Variants in UBE4A observed in about 807,000 individuals in gnomAD.
UBE4A encodes the protein ubiquitination factor E4A, also known as ubiquitin conjugation factor E4 A.
UBE4A carries 48 observed loss-of-function variants against 117.9 expected under a neutral mutation model. The ratio of observed to expected loss-of-function variants is 0.41; its 90% CI spans 0.32 to 0.52. UBE4A has a LOEUF of 0.52. UBE4A is among the 20% of genes least tolerant of loss of function. The probability of loss-of-function intolerance (pLI) is 0.33; values close to 1 mark genes in which losing one functional copy is unlikely to be tolerated. For synonymous variants in UBE4A, 407 were observed against 450.0 expected (o/e 0.90, Z 1.21); for missense variants, 1,067 against 1,296.3 (o/e 0.82, Z 2.72).
rs575638835 is a variant in UBE4A, at chr11:118,371,633, C to T, written c.528C>T (p.Tyr176=). 1.9e-6 allele frequency: 3 copies of T among 1,613,402 alleles called. No individual in the cohort carries two copies. The South Asian group carries it at 3.3e-5, about 18-fold the overall frequency. The part of the protein sequence containing the change: ...RDAGERHIFC[Y]LYSCFQRAKE... ...CAGGAGAGAGGCACATTTTTTGTTACCTTTACTCCTGCTTCCAGAGAGCCA... is the reference window on the plus strand; with the variant it reads ...CAGGAGAGAGGCACATTTTTTGTTATCTTTACTCCTGCTTCCAGAGAGCCA... Residue 176 remains tyrosine, a synonymous_variant, in exon 5 of 20, where the codon TAC becomes TAT. Coordinates refer to ENST00000252108, the MANE Select transcript of UBE4A (RefSeq NM_001204077.2).
Position 118,396,910 on chromosome 11 carries a change from C to T in UBE4A, c.*470C>T, listed in dbSNP as rs1453034440. The T allele has an allele frequency of 6.3e-6, 1 of 157,760 alleles. No individual in the cohort carries two copies. The highest frequency in any genetic ancestry group is 1.4e-5 in the Non-Finnish European group (1 of 72,480). 9.8% of individuals were successfully genotyped at this position (157,760 alleles called of 1,614,324 possible). Reference sequence around the variant, plus strand: ...CTGTTATCCTGTGTATTTACTAGTCCTCATGATCTAGACTTAACCCCTTTT... The same window carrying T: ...CTGTTATCCTGTGTATTTACTAGTCTTCATGATCTAGACTTAACCCCTTTT... On this transcript the variant is annotated 3_prime_UTR_variant, in exon 20 of 20. Coordinates refer to ENST00000252108, the MANE Select transcript of UBE4A (RefSeq NM_001204077.2).
At position 118,384,962 on chromosome 11, in the gene UBE4A, AAAAAAAG is replaced by A. The variant is rs782408339; in HGVS notation, c.2412+19_2412+25del. On this transcript the variant is annotated intron_variant, in intron 15 of 19. Transcript: ENST00000252108. Reference sequence around the variant, plus strand: ...GCCATACAGGTAAAAAAAAAAAAAAAAAAAAAGATTTAACTTCTCCATACCATCAAAT... The same window carrying A: ...GCCATACAGGTAAAAAAAAAAAAAAAATTTAACTTCTCCATACCATCAAAT... The A allele has an allele frequency of 1.9e-6, 3 of 1,561,336 alleles. No individual in the cohort carries two copies. The highest frequency in any genetic ancestry group is 2.6e-6 in the Non-Finnish European group (3 of 1,150,998).
rs754370282 is a variant in UBE4A, at chr11:118,373,617, G to A, written c.1048G>A (p.Gly350Ser). ...GACTCCGGGTGTTGTAGAAAATCAT[G>A]GCTACTTTTTGAATCCATCTCGTTC... ...LKTPGVVENH[G>S]YFLNPSRSSP... The change falls in exon 8 of 20, where the codon GGC becomes AGC. Residue 350 changes from glycine to serine, a missense_variant. Physicochemically the swap from Gly to Ser is moderately conservative, Grantham distance 56. Around this residue, in one of 3 missense-constraint regions of UBE4A, gnomAD observed 1,001 missense variants for 1,184.0 expected, o/e 0.85. Transcript: ENST00000252108. The A allele has an allele frequency of 6.2e-7, 1 of 1,614,122 alleles. No individual in the cohort carries two copies.
chr11:118,378,532 TCA>T (rs1228599206), intron 10 of UBE4A: 3 of 152,220 alleles, frequency 2.0e-5, no homozygotes, highest in Non-Finnish European at 4.4e-5. Flanking sequence ...AGCAACTCAG[TCA>T]TAGAAAGGGA....
chr11:118,365,299 G>C, intron 2 of UBE4A, 98 bp downstream of exon 2: 1 of 1,419,214 alleles, frequency 7.0e-7, no homozygotes, highest in Non-Finnish European at 9.2e-7. Flanking sequence ...TGGAATTTAA[G>C]TTTGGAACAA....
At chr11:118,365,452 G>A (rs547463377) in intron 2 of UBE4A, among the ~76,000 whole-genome samples, 1 of 152,052 alleles carries the variant, frequency 6.6e-6, no homozygotes, top group Admixed American at 6.6e-5. Flanking sequence ...TGGTTCCATA[G>A]TAACAGATGC....
chr11:118,367,024 T>G (rs900873698), intron 2 of UBE4A, among the ~76,000 whole-genome samples: 6 of 152,032 alleles, frequency 3.9e-5, no homozygotes, highest in African/African-American at 1.4e-4. Flanking sequence ...GCCAACATGG[T>G]GAAACCCCAT....
At chr11:118,361,534 C>T (rs967431012) in intron 1 of UBE4A, among the ~76,000 whole-genome samples, 1 of 152,100 alleles carries the variant, frequency 6.6e-6, no homozygotes, top group Non-Finnish European at 1.5e-5. Flanking sequence ...AGTGACTACA[C>T]AGTTTTAGCC....
In UBE4A at chr11:118,368,722, A is replaced by G. The variant is rs556959335; in HGVS notation, c.213A>G (p.Ser71=). The change falls in exon 3 of 20, where the codon TCA becomes TCG. Residue 71 remains serine, a synonymous_variant. Coordinates refer to ENST00000252108, the MANE Select transcript of UBE4A (RefSeq NM_001204077.2). ...ACTCTGTGGCTGAGATTAGCCGCTCATTCCGATCACAGCAGGAAATATGTG... is the reference window on the plus strand; with the variant it reads ...ACTCTGTGGCTGAGATTAGCCGCTCGTTCCGATCACAGCAGGAAATATGTG... ...FDYSVAEISR[S]FRSQQEICEQ... 1.1e-4 allele frequency: 179 copies of G among 1,614,224 alleles called. No homozygotes were observed. The highest frequency in any genetic ancestry group is 2.8e-4 in the Admixed American group (17 of 60,028).
intron 19 of UBE4A, among the ~76,000 whole-genome samples, chr11:118,395,751 T>C (rs1591311880): frequency 6.6e-6 from 1 of 152,306 alleles, no homozygotes; most frequent in East Asian, 1.9e-4. Flanking sequence ...TTAAATATCA[T>C]CTGAACAGCA....
chr11:118,374,236 A>C (rs148067282), intron 8 of UBE4A, among the ~76,000 whole-genome samples: 170 of 152,048 alleles, frequency 1.1e-3, no homozygotes, highest in African/African-American at 4.0e-3. Context: ...CCCAACCCTC[A>C]TTTTTCTCAC....
At position 118,396,547 on chromosome 11, in the gene UBE4A, C is replaced by CTTTTT. The variant is rs5795126; in HGVS notation, c.*121_*125dup. 27 of 817,846 alleles carry CTTTTT rather than the reference C, an allele frequency of 3.3e-5. No individual in the cohort carries two copies. Among genetic ancestry groups the CTTTTT allele is most frequent in the African/African-American group, 6.3e-5 (3 of 47,762 alleles). The allele number at this position is 817,846 out of a possible 1,614,324, so 50.7% of individuals were successfully genotyped here. A position where few individuals can be genotyped will look rare whatever the true frequency, so the allele number is the denominator to read the frequency against. ...TCCTTTTCTTTCTTCTTTTCTTTTT[C>CTTTTT]TTTTTTTTTTTTTTTTTTACTAAAT... On this transcript the variant is annotated 3_prime_UTR_variant, in exon 20 of 20. Transcript: ENST00000252108.
chr11:118,369,650 T>A, intron 4 of UBE4A, 115 bp downstream of exon 4: 1 of 439,500 alleles, frequency 2.3e-6, no homozygotes, highest in Non-Finnish European at 3.9e-6. Flanking sequence ...CTCTCTCTTT[T>A]TTTTTTTTTT....
intron 11 of UBE4A, among the ~76,000 whole-genome samples, chr11:118,380,023 T>G (rs1161762180): frequency 6.6e-6 from 1 of 152,114 alleles, no homozygotes; most frequent in Non-Finnish European, 1.5e-5. Context: ...GTTTCTATCA[T>G]TAATATTTGT....
At position 118,393,616 on chromosome 11, in the gene UBE4A, G is replaced by A. The variant is rs1194954506; in HGVS notation, c.3074+721G>A. Among the ~76,000 whole-genome samples, 24 of 151,486 alleles carry A rather than the reference G, an allele frequency of 1.6e-4. No homozygotes were observed. The South Asian group carries it at 3.1e-3, about 20-fold the overall frequency. ...GCCTGGCCTGTTTTTTTATTTTTGCGACAGAGTCTCGCTCTGTCACCAAGG... is the reference window on the plus strand; with the variant it reads ...GCCTGGCCTGTTTTTTTATTTTTGCAACAGAGTCTCGCTCTGTCACCAAGG... On this transcript the variant is annotated intron_variant, in intron 19 of 19. Coordinates refer to ENST00000252108, the MANE Select transcript of UBE4A (RefSeq NM_001204077.2).
intron 16 of UBE4A, among the ~76,000 whole-genome samples, chr11:118,388,766 T>C (rs1948784074): frequency 6.6e-6 from 1 of 151,564 alleles, no homozygotes; most frequent in South Asian, 2.1e-4. Context: ...ATTAAATAAA[T>C]AACTTATGGT....
At chr11:118,377,155 G>C (rs1235101561) in intron 10 of UBE4A, among the ~76,000 whole-genome samples, 1 of 152,126 alleles carries the variant, frequency 6.6e-6, no homozygotes, top group South Asian at 2.1e-4. Flanking sequence ...GAATTTACTT[G>C]TGTTTCATGA....
intron 1 of UBE4A, among the ~76,000 whole-genome samples, chr11:118,361,653 G>A (rs757485243): frequency 2.0e-5 from 3 of 152,194 alleles, no homozygotes; most frequent in Non-Finnish European, 4.4e-5. Context: ...TAGTAGAGAT[G>A]ACAACAGAGA....
Position 118,398,972 on chromosome 11 carries a change from G to A in UBE4A, c.*2532G>A. 1 of 448,238 alleles carries A rather than the reference G, an allele frequency of 2.2e-6. No individual in the cohort carries two copies. The highest frequency in any genetic ancestry group is 4.5e-6 in the Non-Finnish European group (1 of 222,360). 27.8% of individuals were successfully genotyped at this position (448,238 alleles called of 1,614,324 possible). On this transcript the variant is annotated 3_prime_UTR_variant, in exon 20 of 20. Transcript: ENST00000252108. The stretch of plus-strand genomic sequence containing the variant: ...ATTGCACAGAGCATAAGTCTACTGG[G>A]TGCCTTTACATGCCAGAGGCTGATG...
Sources: allele counts gnomAD v4.1 joint callset (sites outside exome capture counted in the v4.1 genomes callset), GRCh38; gene constraint gnomAD v4.1.1; regional missense constraint gnomAD v4.1.1; transcripts MANE v1.5; gene names NCBI Gene and HGNC (gene_info 2026-07-23, HGNC 2026-07-21).